IL1RAPL1: variants seen among roughly 807,000 people sequenced by gnomAD.
IL1RAPL1 encodes the protein interleukin-1 receptor accessory protein-like 1.
IL1RAPL1 carries 3 observed loss-of-function variants against 48.4 expected under a neutral mutation model. The ratio of observed to expected loss-of-function variants is 0.06; its 90% CI spans 0.03 to 0.16. The LOEUF is 0.16. Ranked by LOEUF, IL1RAPL1 falls within the 10% of genes least tolerant of loss-of-function variation. IL1RAPL1 has a pLI of 1.00. For missense variants in IL1RAPL1, 349 were observed against 530.6 expected (o/e 0.66, Z 3.36); for synonymous variants, 185 against 187.7 (o/e 0.99, Z 0.12).
intron 5 of IL1RAPL1, among the ~76,000 whole-genome samples, chrX:29,505,568 A>T (rs1389227846): frequency 2.7e-5 from 3 of 110,387 alleles, no homozygotes; most frequent in Non-Finnish European, 1.9e-5. Flanking sequence ...GAAAAATGTC[A>T]TCCCACCCCT....
intron 2 of IL1RAPL1, among the ~76,000 whole-genome samples, chrX:28,942,948 C>T (rs1232488354): frequency 5.4e-5 from 6 of 110,425 alleles, no homozygotes; most frequent in Non-Finnish European, 1.9e-5. Flanking sequence ...TCCAAGAATC[C>T]GATGAGACAT....
At chrX:29,627,735 T>G (rs1330757401) in intron 5 of IL1RAPL1, among the ~76,000 whole-genome samples, 1 of 111,526 alleles carries the variant, frequency 9.0e-6, no homozygotes, top group Non-Finnish European at 1.9e-5. Context: ...CCCAGAACCA[T>G]GGGAATGTTC....
At chrX:29,322,968 A>C (rs904684061) in intron 3 of IL1RAPL1, among the ~76,000 whole-genome samples, 4 of 111,804 alleles carry the variant, frequency 3.6e-5, no homozygotes, top group African/African-American at 1.3e-4. Context: ...ATATGTTTTT[A>C]AATATTTTAG....
intron 6 of IL1RAPL1, among the ~76,000 whole-genome samples, chrX:29,720,683 C>T (rs1407717851): frequency 9.0e-6 from 1 of 110,752 alleles, no homozygotes; most frequent in Non-Finnish European, 1.9e-5. Flanking sequence ...AGCAAACTAC[C>T]ATGGCACATG....
At chrX:28,770,085 A>C (rs1227313661) in intron 1 of IL1RAPL1, among the ~76,000 whole-genome samples, 1 of 111,981 alleles carries the variant, frequency 8.9e-6, no homozygotes, top group African/African-American at 3.2e-5. Flanking sequence ...TCCATGTAGG[A>C]GGACTGTTTT....
chrX:29,080,916 T>A (rs12008660), intron 2 of IL1RAPL1, among the ~76,000 whole-genome samples: 6,447 of 98,285 alleles, frequency 0.066, 198 homozygotes, highest in South Asian at 0.23. Flanking sequence ...CTATTTTTTT[T>A]AAATATTTTT....
At chrX:28,920,777 C>T (rs1428806975) in intron 2 of IL1RAPL1, among the ~76,000 whole-genome samples, 1 of 111,752 alleles carries the variant, frequency 8.9e-6, no homozygotes, top group Non-Finnish European at 1.9e-5. Context: ...CTGCTGTCTG[C>T]CCGTTAATTG....
At chrX:28,874,945 A>G (rs1922330238) in intron 2 of IL1RAPL1, among the ~76,000 whole-genome samples, 1 of 112,018 alleles carries the variant, frequency 8.9e-6, no homozygotes. Flanking sequence ...ATATAATCAG[A>G]AGGAACCATG....
chrX:28,928,954 G>A (rs745793947), intron 2 of IL1RAPL1, among the ~76,000 whole-genome samples: 27 of 111,894 alleles, frequency 2.4e-4, no homozygotes, highest in African/African-American at 8.7e-4. Context: ...CAAGTATCAG[G>A]CGATATTTAA....
At chrX:29,178,372 A>G (rs182924794) in intron 2 of IL1RAPL1, among the ~76,000 whole-genome samples, 3 of 112,029 alleles carry the variant, frequency 2.7e-5, no homozygotes, top group African/African-American at 9.7e-5. Context: ...TCATGTGTCT[A>G]TTGGCTGCAT....
intron 2 of IL1RAPL1, among the ~76,000 whole-genome samples, chrX:29,149,987 C>T (rs1929429403): frequency 8.9e-6 from 1 of 111,789 alleles, no homozygotes; most frequent in South Asian, 3.7e-4. Context: ...TATGGCATAA[C>T]CCTTAAATAT....
At chrX:28,862,886 A>AT (rs71997063) in intron 2 of IL1RAPL1, among the ~76,000 whole-genome samples, 195 of 103,247 alleles carry the variant, frequency 1.9e-3, no homozygotes, top group Middle Eastern at 0.01. Flanking sequence ...AAATTATGCC[A>AT]TTTTTTTTTT....
intron 8 of IL1RAPL1, among the ~76,000 whole-genome samples, chrX:29,933,432 A>G (rs1170047115): frequency 9.0e-6 from 1 of 111,686 alleles, no homozygotes; most frequent in Non-Finnish European, 1.9e-5. Flanking sequence ...TATTAATGCT[A>G]TAATTATACC....
intron 1 of IL1RAPL1, among the ~76,000 whole-genome samples, chrX:28,745,095 G>A (rs1459438405): frequency 4.5e-5 from 5 of 111,495 alleles, no homozygotes; most frequent in Non-Finnish European, 9.4e-5. Context: ...GAAATGGAGA[G>A]ATTATTAGAG....
chrX:28,595,508 A>G (rs1371856899), intron 1 of IL1RAPL1, among the ~76,000 whole-genome samples: 1 of 111,839 alleles, frequency 8.9e-6, no homozygotes, highest in Non-Finnish European at 1.9e-5. Context: ...GCTGTGGAGG[A>G]CATACTTTTG....
intron 2 of IL1RAPL1, among the ~76,000 whole-genome samples, chrX:28,829,620 C>T (rs1301769471): frequency 1.9e-5 from 2 of 103,186 alleles, no homozygotes; most frequent in African/African-American, 7.2e-5. Context: ...AGTGCAGTGG[C>T]ACAATCTCGG....
intron 1 of IL1RAPL1, among the ~76,000 whole-genome samples, chrX:28,718,866 C>G (rs1043166463): frequency 3.6e-5 from 4 of 111,093 alleles, no homozygotes; most frequent in African/African-American, 1.3e-4. Flanking sequence ...ATACATAAAA[C>G]TAACTTATTT....
At chrX:29,081,898 A>T (rs1927851826) in intron 2 of IL1RAPL1, among the ~76,000 whole-genome samples, 1 of 110,359 alleles carries the variant, frequency 9.1e-6, no homozygotes, top group South Asian at 3.9e-4. Flanking sequence ...GCATAACTCT[A>T]GTTTGAGGAG....
chrX:29,215,047 AT>A (rs751845993), intron 2 of IL1RAPL1, among the ~76,000 whole-genome samples: 1,210 of 110,906 alleles, frequency 0.011, 22 homozygotes, highest in African/African-American at 0.037. Context: ...GGCTGTCAAG[AT>A]TTTTTTTTAA....
Sources: allele counts gnomAD v4.1 joint callset (sites outside exome capture counted in the v4.1 genomes callset), GRCh38; gene constraint gnomAD v4.1.1; transcripts MANE v1.5; gene names NCBI Gene and HGNC (gene_info 2026-07-23, HGNC 2026-07-21).